The following EPHB2 variants were observed in gnomAD, a reference collection of about 807,000 sequenced individuals.
The protein encoded by EPHB2 is ephrin type-B receptor 2.
A neutral mutation model predicts 96.4 loss-of-function variants in EPHB2; 18 were observed. That is an observed-to-expected ratio of 0.19 (90% CI 0.13 to 0.28). The LOEUF (loss-of-function observed/expected upper bound fraction) is 0.28, where lower values mean the gene tolerates loss of function less well. EPHB2 is among the 10% of genes least tolerant of loss of function. The probability of loss-of-function intolerance (pLI) is 1.00; values close to 1 mark genes in which losing one functional copy is unlikely to be tolerated. For synonymous variants in EPHB2, 506 were observed against 534.1 expected (o/e 0.95, Z 0.72); for missense variants, 989 against 1,355.4 (o/e 0.73, Z 4.25).
intron 3 of EPHB2, among the ~76,000 whole-genome samples, chr1:22,825,280 G>A (rs984706555): frequency 3.3e-5 from 5 of 152,196 alleles, no homozygotes; most frequent in African/African-American, 9.7e-5. Context: ...AATGAGATGG[G>A]GCTGATAACC....
intron 3 of EPHB2, among the ~76,000 whole-genome samples, chr1:22,859,306 G>C (rs540215340): frequency 0.034 from 4,939 of 146,830 alleles, 442 homozygotes; most frequent in African/African-American, 0.12. Context: ...GTGGGGGGGG[G>C]GGTATTGTAC....
In EPHB2 at chr1:22,908,156, C is replaced by T. The variant is rs751796857; in HGVS notation, c.2340C>T (p.Tyr780=). ...AGGACGATACCTCAGACCCCACCTA[C>T]ACCAGTGCCCTGGTAAGATGGAGGC... is the stretch of plus-strand genomic sequence containing the variant. The part of the protein sequence containing the change: ...FLEDDTSDPT[Y]TSALGGKIPI... Residue 780 remains tyrosine, a synonymous_variant, in exon 12 of 16, where the codon TAC becomes TAT. Coordinates refer to ENST00000374630, the MANE Select transcript of EPHB2 (RefSeq NM_017449.5). 1 of 1,614,264 alleles carries T rather than the reference C, an allele frequency of 6.2e-7. No individual in the cohort carries two copies. Among genetic ancestry groups the T allele is most frequent in the Non-Finnish European group, 8.5e-7 (1 of 1,180,044 alleles).
intron 3 of EPHB2, among the ~76,000 whole-genome samples, chr1:22,845,861 A>G (rs527857994): frequency 7.0e-4 from 106 of 152,342 alleles, no homozygotes; most frequent in Non-Finnish European, 3.5e-4. Context: ...GCAATTTGTC[A>G]TAAAGTCTCC....
intron 6 of EPHB2, 60 bp from the exon 7 acceptor site, chr1:22,892,824 T>C (rs753274751): frequency 4.3e-6 from 7 of 1,610,888 alleles, no homozygotes; most frequent in Non-Finnish European, 4.2e-6. Context: ...GAGCAGGCAG[T>C]GGGCTCTGGA....
intron 1 of EPHB2, among the ~76,000 whole-genome samples, chr1:22,765,436 A>G (rs1385163339): frequency 6.6e-6 from 1 of 151,124 alleles, no homozygotes; most frequent in Non-Finnish European, 1.5e-5. Context: ...AATCCCAGCT[A>G]CTCAGGAGGC....
At chr1:22,825,506 AC>A (rs1557697482) in intron 3 of EPHB2, among the ~76,000 whole-genome samples, 1 of 152,172 alleles carries the variant, frequency 6.6e-6, no homozygotes, top group East Asian at 1.9e-4. Context: ...CTTTGCTGCT[AC>A]CTTCAAGTCT....
In EPHB2 at chr1:22,913,568, T is replaced by G; in HGVS notation, c.2959T>G (p.Ter987GlyextTer100). 6.2e-7 allele frequency: 1 copy of G among 1,614,136 alleles called. No individual in the cohort carries two copies. Among genetic ancestry groups the G allele is most frequent in the Non-Finnish European group, 8.5e-7 (1 of 1,180,034 alleles). ...GAACCAGATTCAGTCTGTGGAGGTT[T>G]GACATTCACCTGCCTCGGCTCACCT... is the stretch of plus-strand genomic sequence containing the variant. ...QMNQIQSVEV[*>G] Residue 987 changes from the stop codon to glycine, a stop_lost, in exon 16 of 16, where the codon TGA (stop) becomes GGA (glycine). Transcript: ENST00000374630. This position sits in a 1 kb window ranked among gnomAD's most constrained non-coding sequence, Gnocchi z 4.1.
chr1:22,883,816 T>TCAG (rs1030523929), intron 6 of EPHB2, among the ~76,000 whole-genome samples: 7 of 152,058 alleles, frequency 4.6e-5, no homozygotes, highest in Non-Finnish European at 1.0e-4. Context: ...TTCCAAGAGG[T>TCAG]CAGGGGCTAC....
At chr1:22,901,810 T>TGTGTGTGA (rs1225218825) in intron 9 of EPHB2, among the ~76,000 whole-genome samples, 13 of 112,022 alleles carry the variant, frequency 1.2e-4, no homozygotes, top group African/African-American at 3.7e-4. Flanking sequence ...ACTTCGTGTG[T>TGTGTGTGA]GTGTGTGTGA....
chr1:22,855,277 T>A (rs1009815751), intron 3 of EPHB2, among the ~76,000 whole-genome samples: 3 of 152,138 alleles, frequency 2.0e-5, no homozygotes, highest in African/African-American at 7.2e-5. Flanking sequence ...CTCCATCCAG[T>A]CAAACTCCTC....
intron 5 of EPHB2, among the ~76,000 whole-genome samples, chr1:22,871,237 G>A (rs531633962): frequency 7.2e-5 from 11 of 152,164 alleles, no homozygotes; most frequent in Non-Finnish European, 1.0e-4. Context: ...CATCCTCAGG[G>A]CCCAATGTTG....
chr1:22,786,961 G>C (rs1197722460), intron 3 of EPHB2, among the ~76,000 whole-genome samples: 1 of 152,218 alleles, frequency 6.6e-6, no homozygotes, highest in Non-Finnish European at 1.5e-5. Context: ...TGGTGAGACA[G>C]TGTGTGGGTG....
chr1:22,721,904 T>C (rs1643475680), intron 1 of EPHB2, among the ~76,000 whole-genome samples: 1 of 152,008 alleles, frequency 6.6e-6, no homozygotes, highest in South Asian at 2.1e-4. Flanking sequence ...ACATAAGCCA[T>C]TGCGCCCAGC....
At chr1:22,820,937 G>T (rs1369992323) in intron 3 of EPHB2, among the ~76,000 whole-genome samples, 2 of 152,200 alleles carry the variant, frequency 1.3e-5, no homozygotes, top group Non-Finnish European at 2.9e-5. Flanking sequence ...TTAACCATTT[G>T]CATCAGTTTG....
At chr1:22,791,975 A>G (rs1230523423) in intron 3 of EPHB2, among the ~76,000 whole-genome samples, 2 of 152,122 alleles carry the variant, frequency 1.3e-5, no homozygotes, top group Non-Finnish European at 2.9e-5. Flanking sequence ...GCTGCCTTTG[A>G]GAGTGCCTGT....
At position 22,901,811 on chromosome 1, in the gene EPHB2, G is replaced by T. The variant is rs796232685; in HGVS notation, c.1766-4176G>T. On this transcript the variant is annotated intron_variant, in intron 9 of 15. Coordinates refer to ENST00000374630, the MANE Select transcript of EPHB2 (RefSeq NM_017449.5). ...TTTGATGTCATTTAACTTCGTGTGT[G>T]TGTGTGTGAGTGTGTGTGTGTGTGT... Among the ~76,000 whole-genome samples, 9 of 127,338 alleles carry T rather than the reference G, an allele frequency of 7.1e-5. No individual in the cohort carries two copies. The East Asian group carries it at 9.2e-4, about 13-fold the overall frequency. 83.5% of individuals were successfully genotyped at this position (127,338 alleles called of 152,430 possible).
chr1:22,891,310 G>T lies in EPHB2; in HGVS notation c.1429-1574G>T. The T allele has an allele frequency of 9.6e-6, 4 of 416,096 alleles. No homozygotes were observed. The Admixed American group carries it at 1.0e-4, about 11-fold the overall frequency. The allele number at this position is 416,096 out of a possible 1,614,324, so 25.8% of individuals were successfully genotyped here. ...TTTTGGGAAGGTTTTCAAGGGCTCCGTGCACTCTGTGATGTGTGTGTGACT... is the reference window on the plus strand; with the variant it reads ...TTTTGGGAAGGTTTTCAAGGGCTCCTTGCACTCTGTGATGTGTGTGTGACT... On this transcript the variant is annotated intron_variant, in intron 6 of 15. Transcript: ENST00000374630.
chr1:22,915,171 C>A lies in EPHB2; in HGVS notation c.*1601C>A, dbSNP rs1450957798. 6.6e-6 allele frequency: 1 copy of A among 152,360 alleles called. No individual in the cohort carries two copies. Among genetic ancestry groups the A allele is most frequent in the Non-Finnish European group, 1.5e-5 (1 of 68,042 alleles). The allele number at this position is 152,360 out of a possible 1,614,324, so 9.4% of individuals were successfully genotyped here. On this transcript the variant is annotated 3_prime_UTR_variant, in exon 16 of 16. Transcript: ENST00000374630. Reference sequence around the variant, plus strand: ...GTGTGATTTCTCTCCCACCTCCTTCCCCCCACCAGACCTTTGCTGGGCCTA... The same window carrying A: ...GTGTGATTTCTCTCCCACCTCCTTCACCCCACCAGACCTTTGCTGGGCCTA...
At chr1:22,903,913 G>A (rs538196842) in intron 9 of EPHB2, among the ~76,000 whole-genome samples, 57 of 152,294 alleles carry the variant, frequency 3.7e-4, no homozygotes, top group Middle Eastern at 3.4e-3. Context: ...CTCTTTGGGG[G>A]CCTCAGACTC....
Sources: allele counts gnomAD v4.1 joint callset (sites outside exome capture counted in the v4.1 genomes callset), GRCh38; gene constraint gnomAD v4.1.1; non-coding constraint Gnocchi (gnomAD v3.1); transcripts MANE v1.5; gene names NCBI Gene and HGNC (gene_info 2026-07-23, HGNC 2026-07-21).